Variants in FAT3 observed in about 807,000 individuals in gnomAD.
The protein encoded by FAT3 is FAT atypical cadherin 3.
In FAT3, 95 loss-of-function variants were observed where a neutral mutation model predicts 310.2. That is an observed-to-expected ratio of 0.31 (90% CI 0.26 to 0.36). The LOEUF is 0.36. Among genes scored for constraint, FAT3 ranks in the 10% least tolerant of loss-of-function variants. The pLI is 1.00. For synonymous variants in FAT3, 2,314 were observed against 2,192.9 expected, an observed-to-expected ratio of 1.06 and a Z score of -1.54; for missense variants, 5,408 against 5,715.6, an observed-to-expected ratio of 0.95 and a Z score of 1.74.
Position 92,809,845 on chromosome 11 carries a change from G to T in FAT3, c.9250G>T (p.Glu3084Ter). 2 of 1,609,262 alleles carry T rather than the reference G, an allele frequency of 1.2e-6. No homozygotes were observed. Among genetic ancestry groups the T allele is most frequent in the South Asian group, 1.1e-5 (1 of 90,826 alleles). ...CATGCTGCCATTTATTTTCACAGGC[G>T]AGTTAAAAACCTTGGCTCTGTTGGA... ...SEFFLDPESG[E>*]LKTLALLDRE... is the part of the protein sequence containing the mutation. The change falls in exon 13 of 28, where the codon GAG becomes TAG. Residue 3084 changes from glutamate (E) to a stop codon, truncating the protein, a stop_gained and splice_region_variant. Coordinates refer to ENST00000525166, the MANE Select transcript of FAT3 (RefSeq NM_001367949.2). LOFTEE classifies it high-confidence loss of function.
At chr11:92,578,672 T>C (rs1938620632) in intron 3 of FAT3, among the ~76,000 whole-genome samples, 1 of 152,086 alleles carries the variant, frequency 6.6e-6, no homozygotes, top group African/African-American at 2.4e-5. Context: ...AGCATCCCAT[T>C]GCTAGTCCCT....
In FAT3 at chr11:92,556,728, G is replaced by T. The variant is rs996325670; in HGVS notation, c.3607+31780G>T. Among the ~76,000 whole-genome samples, 33 of 152,168 alleles carry T rather than the reference G, an allele frequency of 2.2e-4. 1 individual carries two copies. Among genetic ancestry groups the T allele is most frequent in the Admixed American group, 2.2e-3 (33 of 15,284 alleles). On this transcript the variant is annotated intron_variant, in intron 3 of 27. Coordinates refer to ENST00000525166, the MANE Select transcript of FAT3 (RefSeq NM_001367949.2). ...CTCTGGGTCCCTGCAGTCCTTGGTT[G>T]TAACTGCTCTTTTTAGGCTGCCAAG...
chr11:92,332,039 C>T lies in FAT3; in HGVS notation c.-17-20057C>T, dbSNP rs149860260. Among the ~76,000 whole-genome samples the T allele has an allele frequency of 4.5e-3, 678 of 152,320 alleles. 9 individuals are homozygous for T. Among genetic ancestry groups the T allele is most frequent in the African/African-American group, 0.015 (643 of 41,572 alleles). On this transcript the variant is annotated intron_variant, in intron 1 of 27. Transcript: ENST00000525166. ...GAGCCATCATTTTCCTGAAGCAGCTCTTCCATCATGGTGCTAACCTGATCA... is the reference window on the plus strand; with the variant it reads ...GAGCCATCATTTTCCTGAAGCAGCTTTTCCATCATGGTGCTAACCTGATCA...
chr11:92,734,146 G>C (rs1034269612), intron 4 of FAT3, among the ~76,000 whole-genome samples: 7 of 152,146 alleles, frequency 4.6e-5, no homozygotes, highest in African/African-American at 1.7e-4. Flanking sequence ...TGGTTTAATT[G>C]TGGTAAGAAT....
rs1160934412 is a variant in FAT3, at chr11:92,798,497, C to T, written c.5484C>T (p.Ser1828=). ...CAAAAAAGTTTTTCACGGTGGACTC[C>T]AGTACAGGTGCAATCAGAACAATTG... ...STAKKFFTVD[S]STGAIRTIAN... The change falls in exon 10 of 28, where the codon TCC becomes TCT. Residue 1828 remains serine (S), a synonymous_variant. Coordinates refer to ENST00000525166, the MANE Select transcript of FAT3 (RefSeq NM_001367949.2). 1.2e-6 allele frequency: 2 copies of T among 1,613,732 alleles called. No individual in the cohort carries two copies. The highest frequency in any genetic ancestry group is 2.2e-5 in the East Asian group (1 of 44,802).
chr11:92,612,050 T>G (rs918866925), intron 3 of FAT3, among the ~76,000 whole-genome samples: 1 of 152,244 alleles, frequency 6.6e-6, no homozygotes, highest in African/African-American at 2.4e-5. Context: ...GCTTAATTAA[T>G]GTAGTACTAG....
At chr11:92,655,077 C>T (rs2135774229) in intron 3 of FAT3, among the ~76,000 whole-genome samples, 1 of 152,302 alleles carries the variant, frequency 6.6e-6, no homozygotes, top group Admixed American at 6.5e-5. Flanking sequence ...TCATATAACA[C>T]CTCCTCAGTC....
chr11:92,728,017 C>G (rs1048470849), intron 4 of FAT3, among the ~76,000 whole-genome samples: 1 of 152,170 alleles, frequency 6.6e-6, no homozygotes, highest in African/African-American at 2.4e-5. Flanking sequence ...TGCCTCTGCA[C>G]AAGTGTACTG....
At chr11:92,727,865 A>G (rs956934771) in intron 4 of FAT3, among the ~76,000 whole-genome samples, 1 of 152,232 alleles carries the variant, frequency 6.6e-6, no homozygotes, top group South Asian at 2.1e-4. Flanking sequence ...GCCATTTGCC[A>G]TGCCGCCACT....
chr11:92,431,033 G>A (rs1463634445), intron 2 of FAT3, among the ~76,000 whole-genome samples: 5 of 152,062 alleles, frequency 3.3e-5, no homozygotes, highest in African/African-American at 1.2e-4. Context: ...CCCAGTAATG[G>A]GATTGCTGGG....
At chr11:92,537,491 C>T (rs891663671) in intron 3 of FAT3, among the ~76,000 whole-genome samples, 1 of 152,096 alleles carries the variant, frequency 6.6e-6, no homozygotes, top group African/African-American at 2.4e-5. Context: ...CCAGTCTTTC[C>T]CTCCTTGTCT....
intron 1 of FAT3, among the ~76,000 whole-genome samples, chr11:92,231,358 T>A (rs1334987575): frequency 6.6e-6 from 1 of 152,228 alleles, no homozygotes; most frequent in African/African-American, 2.4e-5. Flanking sequence ...AACATTAGCT[T>A]CCAGAATGTG....
intron 1 of FAT3, among the ~76,000 whole-genome samples, chr11:92,347,568 C>A (rs1342611219): frequency 6.6e-6 from 1 of 152,110 alleles, no homozygotes; most frequent in Non-Finnish European, 1.5e-5. Flanking sequence ...CCAAGGCTGT[C>A]CCAGAGAGGT....
At chr11:92,694,715 C>G (rs929961237) in intron 3 of FAT3, among the ~76,000 whole-genome samples, 1 of 152,126 alleles carries the variant, frequency 6.6e-6, no homozygotes, top group African/African-American at 2.4e-5. Context: ...GGGTCCTGGT[C>G]TTTTGTGGCC....
At chr11:92,374,706 C>G (rs922546093) in intron 2 of FAT3, among the ~76,000 whole-genome samples, 1 of 152,194 alleles carries the variant, frequency 6.6e-6, no homozygotes, top group Non-Finnish European at 1.5e-5. Flanking sequence ...TGGACCCCAT[C>G]TCAAACTTCC....
intron 1 of FAT3, among the ~76,000 whole-genome samples, chr11:92,289,502 C>CACAT (rs1946640086): frequency 1.8e-5 from 1 of 55,242 alleles, no homozygotes; most frequent in Non-Finnish European, 3.2e-5. Flanking sequence ...ATGATAGATA[C>CACAT]ACACACACAC....
intron 19 of FAT3, among the ~76,000 whole-genome samples, chr11:92,853,030 C>A (rs1412626561): frequency 6.6e-6 from 1 of 152,206 alleles, no homozygotes; most frequent in Non-Finnish European, 1.5e-5. Flanking sequence ...ATTTCTCACA[C>A]CCACTGGGCT....
At chr11:92,569,854 C>T in intron 3 of FAT3, among the ~76,000 whole-genome samples, 1 of 152,160 alleles carries the variant, frequency 6.6e-6, no homozygotes, top group South Asian at 2.1e-4. Context: ...AGTGGCTCAT[C>T]TCAGTAATTG....
intron 8 of FAT3, among the ~76,000 whole-genome samples, 183 bp downstream of exon 8, chr11:92,790,401 C>A (rs1591735704): frequency 6.6e-6 from 1 of 152,160 alleles, no homozygotes; most frequent in Non-Finnish European, 1.5e-5. Flanking sequence ...TGTTAGATAG[C>A]AACTCTACAT....
Sources: gnomAD v4.1 joint callset for allele counts (sites outside exome capture counted in the v4.1 genomes callset) on GRCh38, gnomAD v4.1.1 for gene constraint, MANE v1.5 for transcripts, NCBI Gene and HGNC (gene_info 2026-07-23, HGNC 2026-07-21) for gene names.